Variants in TCERG1L observed in about 807,000 individuals in gnomAD.
TCERG1L encodes the protein transcription elongation regulator 1 like.
A neutral mutation model predicts 56.3 loss-of-function variants in TCERG1L; 37 were observed. The observed-to-expected ratio is 0.66, with a 90% CI of 0.51 to 0.87. The LOEUF (loss-of-function observed/expected upper bound fraction) is 0.87. Among genes scored for constraint, TCERG1L ranks in the 40% least tolerant of loss-of-function variants. The pLI is 0.00. For synonymous variants in TCERG1L, 324 were observed against 326.3 expected, an observed-to-expected ratio of 0.99 and a Z score of 0.08; for missense variants, 799 against 774.2, an observed-to-expected ratio of 1.03 and a Z score of -0.38.
At chr10:131,160,780 C>G (rs561992890) in intron 6 of TCERG1L, 3 of 152,362 alleles carry the variant, frequency 2.0e-5, no homozygotes, top group Admixed American at 1.3e-4. Context: ...AGTGCAGCAG[C>G]CAGGGAACCG....
At chr10:131,098,497 A>C (rs1314983267) in intron 10 of TCERG1L, 73 bp from the exon 11 acceptor site, 1 of 1,492,790 alleles carries the variant, frequency 6.7e-7, no homozygotes, top group Non-Finnish European at 8.9e-7. Context: ...TTCCAAGCAC[A>C]ACATGAGAAA....
At chr10:131,285,413 A>AGGAAGGAAGGAAAG (rs1846512697) in intron 3 of TCERG1L, among the ~76,000 whole-genome samples, 1 of 105,802 alleles carries the variant, frequency 9.5e-6, no homozygotes, top group African/African-American at 3.3e-5. Flanking sequence ...GAAGGAAGGA[A>AGGAAGGAAGGAAAG]AGAGAGAGAG....
Position 131,311,275 on chromosome 10 carries a change from C to T in TCERG1L, c.342+19G>A. On this transcript the variant is annotated intron_variant, in intron 1 of 11. Transcript: ENST00000368642. The surrounding 1 kb of genome is among the most constrained non-coding windows in gnomAD (Gnocchi z 4.0). ...GGGGAGACGGCGACCCGGGCCGAGG[C>T]GGGACGGGGACACGTTACCTGCCCG... 2 of 1,201,678 alleles carry T rather than the reference C, an allele frequency of 1.7e-6. No homozygotes were observed. Among genetic ancestry groups the T allele is most frequent in the East Asian group, 3.5e-5 (1 of 28,802 alleles). The allele number at this position is 1,201,678 out of a possible 1,614,324, so 74.4% of individuals were successfully genotyped here.
At chr10:131,308,705 C>T (rs1846843057) in intron 2 of TCERG1L, among the ~76,000 whole-genome samples, 1 of 152,220 alleles carries the variant, frequency 6.6e-6, no homozygotes, top group South Asian at 2.1e-4. Context: ...CAATACTTTA[C>T]TTCTTTAGTT....
rs1315334934 is a variant in TCERG1L at position 131,114,364 on chromosome 10, G to A, written c.1395+2435C>T. Among the ~76,000 whole-genome samples, 6 of 141,480 alleles carry A rather than the reference G, an allele frequency of 4.2e-5. 2 individuals carry two copies. The highest frequency in any genetic ancestry group is 7.9e-5 in the Non-Finnish European group (5 of 63,078). The allele number at this position is 141,480 out of a possible 152,430, so 92.8% of individuals were successfully genotyped here. On this transcript the variant is annotated intron_variant, in intron 9 of 11. Coordinates refer to ENST00000368642, the MANE Select transcript of TCERG1L (RefSeq NM_174937.4). ...CTGAAAAGTCATAAATGGTGGCATT[G>A]CTTTATAATATTAGCAGTAAATTTG...
chr10:131,302,627 AT>A (rs559944571), intron 3 of TCERG1L, among the ~76,000 whole-genome samples: 2,036 of 135,672 alleles, frequency 0.015, 49 homozygotes, highest in African/African-American at 0.044. Flanking sequence ...TTTTTTCTCA[AT>A]TTTTTTTTTT....
chr10:131,271,724 G>GA (rs1178829231), intron 3 of TCERG1L, among the ~76,000 whole-genome samples: 1 of 152,196 alleles, frequency 6.6e-6, no homozygotes, highest in Non-Finnish European at 1.5e-5. Flanking sequence ...CATGTGGAGG[G>GA]AAGGCCTGGA....
chr10:131,099,384 C>T (rs1224616766), intron 10 of TCERG1L, among the ~76,000 whole-genome samples: 1 of 152,246 alleles, frequency 6.6e-6, no homozygotes, highest in Non-Finnish European at 1.5e-5. Flanking sequence ...GGACAAAGTT[C>T]TTTCATTCCT....
At chr10:131,308,140 T>A in intron 3 of TCERG1L, 71 bp downstream of exon 3, 1 of 1,367,812 alleles carries the variant, frequency 7.3e-7, no homozygotes, top group Non-Finnish European at 9.9e-7. Context: ...AGTATGGTTT[T>A]CATATCTAAA....
intron 1 of TCERG1L, among the ~76,000 whole-genome samples, chr10:131,310,639 C>T (rs2397761): frequency 0.87 from 131,738 of 152,192 alleles, 58,771 homozygotes; most frequent in Non-Finnish European, 0.97. Flanking sequence ...TCTTTTTAAT[C>T]CCATGTCTTA....
chr10:131,153,713 C>T (rs1206028532), intron 6 of TCERG1L, among the ~76,000 whole-genome samples: 3 of 152,216 alleles, frequency 2.0e-5, no homozygotes, highest in Non-Finnish European at 2.9e-5. Flanking sequence ...CATTCCGATG[C>T]TGGGAGCAGC....
intron 4 of TCERG1L, among the ~76,000 whole-genome samples, chr10:131,186,425 G>T (rs1845246281): frequency 6.6e-6 from 1 of 152,184 alleles, no homozygotes; most frequent in Admixed American, 6.5e-5. Context: ...ATCAATCCAG[G>T]AAGTTGAACA....
At chr10:131,132,747 T>C (rs1415255236) in intron 8 of TCERG1L, among the ~76,000 whole-genome samples, 1 of 152,226 alleles carries the variant, frequency 6.6e-6, no homozygotes. Flanking sequence ...GTCCATCCCC[T>C]GTGGCCCACA....
chr10:131,128,085 G>C (rs182602502), intron 8 of TCERG1L, among the ~76,000 whole-genome samples: 183 of 152,150 alleles, frequency 1.2e-3, no homozygotes, highest in Middle Eastern at 3.4e-3. Context: ...AAAGAATATT[G>C]GTCAAAGTAA....
intron 6 of TCERG1L, chr10:131,161,577 C>A (rs892188846): frequency 1.3e-5 from 2 of 152,162 alleles, no homozygotes; most frequent in Admixed American, 6.5e-5. Context: ...GACTTCAGGA[C>A]CCCTGAGTAG....
At chr10:131,218,386 C>A (rs1301713547) in intron 4 of TCERG1L, among the ~76,000 whole-genome samples, 1 of 152,236 alleles carries the variant, frequency 6.6e-6, no homozygotes, top group Non-Finnish European at 1.5e-5. Context: ...GGCCTGCAGT[C>A]CTTTCTGGCT....
At chr10:131,096,756 A>T (rs745420981) in intron 11 of TCERG1L, among the ~76,000 whole-genome samples, 143 of 152,102 alleles carry the variant, frequency 9.4e-4, no homozygotes, top group Non-Finnish European at 1.6e-3. Context: ...AAAATACAAA[A>T]ATTAGCCGGG....
chr10:131,181,726 C>G (rs1276763957), intron 4 of TCERG1L, among the ~76,000 whole-genome samples: 3 of 152,214 alleles, frequency 2.0e-5, no homozygotes, highest in African/African-American at 4.8e-5. Flanking sequence ...CTCTCCGTGT[C>G]CCCCCTCGCC....
chr10:131,199,374 CA>C (rs1845402518), intron 4 of TCERG1L, among the ~76,000 whole-genome samples: 1 of 152,114 alleles, frequency 6.6e-6, no homozygotes, highest in Non-Finnish European at 1.5e-5. Context: ...ACTATAAGGT[CA>C]AAAGAAGCAT....
Sources: allele counts gnomAD v4.1 joint callset (sites outside exome capture counted in the v4.1 genomes callset), GRCh38; gene constraint gnomAD v4.1.1; non-coding constraint Gnocchi (gnomAD v3.1); transcripts MANE v1.5; gene names NCBI Gene and HGNC (gene_info 2026-07-23, HGNC 2026-07-21).